LAMA2: variants seen among roughly 807,000 people sequenced by gnomAD.
LAMA2 encodes laminin subunit alpha 2.
LAMA2 carries 269 observed loss-of-function variants against 364.8 expected under a neutral mutation model. The observed-to-expected ratio is 0.74, with a 90% CI of 0.67 to 0.82. The LOEUF (loss-of-function observed/expected upper bound fraction) is 0.82. Ranked by LOEUF, LAMA2 falls within the 40% of genes least tolerant of loss-of-function variation. The probability of loss-of-function intolerance (pLI) is 0.00; values close to 1 mark genes in which losing one functional copy is unlikely to be tolerated. For missense variants in LAMA2, 3,807 were observed against 3,873.2 expected (o/e 0.98, Z 0.45); for synonymous variants, 1,379 against 1,370.6 (o/e 1.01, Z -0.14).
Position 129,505,307 on chromosome 6 carries a change from G to T in LAMA2, c.8655G>T (p.Leu2885=). 6.2e-7 allele frequency: 1 copy of T among 1,613,928 alleles called. No homozygotes were observed. Among genetic ancestry groups the T allele is most frequent in the African/African-American group, 1.3e-5 (1 of 75,046 alleles). ...ACATCCTGGATGTCGTGGGAATGCT[G>T]TATGTTGGTGGGTTACCCATCAACT... ...KADILDVVGM[L]YVGGLPINYT... Residue 2885 remains leucine, a synonymous_variant, in exon 61 of 65, where the codon CTG becomes CTT. Transcript: ENST00000421865.
intron 18 of LAMA2, among the ~76,000 whole-genome samples, chr6:129,282,839 A>G (rs548760458): frequency 1.4e-4 from 21 of 152,198 alleles, no homozygotes; most frequent in Admixed American, 3.9e-4. Flanking sequence ...GATGAGCTAC[A>G]TTTGTGGAAC....
At chr6:128,994,428 G>A (rs1308352118) in intron 1 of LAMA2, among the ~76,000 whole-genome samples, 1 of 152,174 alleles carries the variant, frequency 6.6e-6, no homozygotes, top group Non-Finnish European at 1.5e-5. Context: ...GATACAGTTA[G>A]GGTCTGAAAC....
intron 1 of LAMA2, among the ~76,000 whole-genome samples, chr6:128,989,304 G>A (rs1783459166): frequency 6.6e-6 from 1 of 152,176 alleles, no homozygotes; most frequent in Admixed American, 6.5e-5. Context: ...GGAGAAAGGG[G>A]TGACTGATTC....
chr6:128,924,035 G>A (rs776111820), intron 1 of LAMA2, among the ~76,000 whole-genome samples: 4 of 152,096 alleles, frequency 2.6e-5, no homozygotes, highest in East Asian at 3.9e-4. Flanking sequence ...GCTGAGAAGT[G>A]TAGGGAACAC....
intron 16 of LAMA2, among the ~76,000 whole-genome samples, chr6:129,267,906 T>G (rs566315405): frequency 5.1e-4 from 78 of 152,208 alleles, no homozygotes; most frequent in African/African-American, 1.8e-3. Flanking sequence ...AGTTTTATAT[T>G]GTCTGACATG....
intron 28 of LAMA2, among the ~76,000 whole-genome samples, chr6:129,322,447 G>C (rs1222677389): frequency 6.6e-6 from 1 of 152,164 alleles, no homozygotes; most frequent in Admixed American, 6.5e-5. Flanking sequence ...GATTTTTCTA[G>C]ACAAGAGATG....
chr6:129,429,964 T>C (rs1284879781), intron 41 of LAMA2, among the ~76,000 whole-genome samples: 1 of 152,198 alleles, frequency 6.6e-6, no homozygotes, highest in Non-Finnish European at 1.5e-5. Flanking sequence ...TGTTCATTAG[T>C]TTAAATTTAT....
intron 34 of LAMA2, among the ~76,000 whole-genome samples, chr6:129,381,171 T>G (rs1013794767): frequency 2.0e-5 from 3 of 152,174 alleles, no homozygotes; most frequent in South Asian, 2.1e-4. Context: ...CTAGTGGTAT[T>G]GATACATTAA....
intron 62 of LAMA2, among the ~76,000 whole-genome samples, chr6:129,511,198 C>A (rs537234312): frequency 4.9e-4 from 74 of 152,264 alleles, no homozygotes; most frequent in African/African-American, 1.7e-3. Flanking sequence ...GGAAAACATA[C>A]AATTCATCTT....
chr6:129,376,531 C>T (rs772444566), intron 34 of LAMA2, among the ~76,000 whole-genome samples: 1 of 152,144 alleles, frequency 6.6e-6, no homozygotes, highest in Non-Finnish European at 1.5e-5. Context: ...CCCTTAGGCT[C>T]GTAGGATAAA....
chr6:129,428,511 G>A (rs1215143991), intron 41 of LAMA2, among the ~76,000 whole-genome samples: 1 of 152,190 alleles, frequency 6.6e-6, no homozygotes, highest in African/African-American at 2.4e-5. Flanking sequence ...CTGGAGTGCA[G>A]TGGTGCGATC....
chr6:129,484,672 C>T (rs1784509990), intron 55 of LAMA2, among the ~76,000 whole-genome samples: 1 of 151,956 alleles, frequency 6.6e-6, no homozygotes, highest in South Asian at 2.1e-4. Context: ...TATATGGTAC[C>T]ATTTTTGTAG....
intron 10 of LAMA2, among the ~76,000 whole-genome samples, chr6:129,181,304 T>C (rs1780910241): frequency 6.6e-6 from 1 of 151,234 alleles, no homozygotes; most frequent in Non-Finnish European, 1.5e-5. Flanking sequence ...AAAATGAGGA[T>C]ATTTGTACAC....
At chr6:129,158,010 T>C in intron 8 of LAMA2, 4 of 1,613,548 alleles carry the variant, frequency 2.5e-6, no homozygotes, top group Non-Finnish European at 3.4e-6. Context: ...CCCATTTTTC[T>C]TGATGAGGAT....
At chr6:128,886,783 C>T (rs1445369830) in intron 1 of LAMA2, among the ~76,000 whole-genome samples, 1 of 152,178 alleles carries the variant, frequency 6.6e-6, no homozygotes, top group Non-Finnish European at 1.5e-5. Context: ...CCTCTCCTCA[C>T]TTCCTCCCCA....
intron 15 of LAMA2, among the ~76,000 whole-genome samples, chr6:129,261,695 T>G (rs1015555266): frequency 2.0e-5 from 3 of 152,138 alleles, no homozygotes; most frequent in African/African-American, 7.2e-5. Context: ...CTCTAGGCAT[T>G]GCTTTGTCAG....
At chr6:129,409,308 G>A (rs1780405283) in intron 40 of LAMA2, among the ~76,000 whole-genome samples, 1 of 152,192 alleles carries the variant, frequency 6.6e-6, no homozygotes, top group Non-Finnish European at 1.5e-5. Context: ...TGATCATGGG[G>A]AACTCCCTGT....
chr6:129,367,001 C>T (rs900781095), intron 33 of LAMA2, among the ~76,000 whole-genome samples: 4 of 152,190 alleles, frequency 2.6e-5, no homozygotes, highest in African/African-American at 9.7e-5. Context: ...TCTCAGGTGC[C>T]TAGCCTGGGA....
At chr6:128,910,369 T>C (rs1404456242) in intron 1 of LAMA2, among the ~76,000 whole-genome samples, 8 of 151,504 alleles carry the variant, frequency 5.3e-5, no homozygotes, top group South Asian at 2.1e-4. Flanking sequence ...CTTCCCTTCT[T>C]GCTTCATTTC....
Sources: allele counts gnomAD v4.1 joint callset (sites outside exome capture counted in the v4.1 genomes callset), GRCh38; gene constraint gnomAD v4.1.1; transcripts MANE v1.5; gene names NCBI Gene and HGNC (gene_info 2026-07-23, HGNC 2026-07-21).